ATP1A4: variants seen among roughly 807,000 people sequenced by gnomAD.
ATP1A4 encodes sodium/potassium-transporting ATPase subunit alpha-4.
Under a neutral mutation model 114.3 loss-of-function variants are expected in ATP1A4, and 90 were observed. The observed-to-expected ratio is 0.79, with a 90% CI of 0.66 to 0.94. ATP1A4 has a LOEUF of 0.94. Ranked by LOEUF, ATP1A4 falls within the 40% of genes least tolerant of loss-of-function variation. The probability of loss-of-function intolerance (pLI) is 0.00; values close to 1 mark genes in which losing one functional copy is unlikely to be tolerated. For missense variants in ATP1A4, 1,222 were observed against 1,313.6 expected, an observed-to-expected ratio of 0.93 and a Z score of 1.08; for synonymous variants, 511 against 494.1, an observed-to-expected ratio of 1.03 and a Z score of -0.45.
chr1:160,156,302 C>A (rs1421042190), intron 4 of ATP1A4, 144 bp downstream of exon 4: 4 of 602,778 alleles, frequency 6.6e-6, no homozygotes, highest in Non-Finnish European at 1.2e-5. Context: ...CTGTATCAGT[C>A]CTTAAAAGTA....
rs761721153 is a variant in ATP1A4 at position 160,171,289 on chromosome 1, C to T, written c.1530C>T (p.His510=). The change falls in exon 11 of 22, where the codon CAC becomes CAT. Residue 510 remains histidine (H), a synonymous_variant. Coordinates refer to ENST00000368081, the MANE Select transcript of ATP1A4 (RefSeq NM_144699.4). ...IHLREDSSQT[H]VLMMKGAPER... is the part of the protein sequence containing the mutation. ...TTCGGGAGGACAGCTCCCAGACCCA[C>T]GTACTGATGATGAAGGGTGCTCCGG... is the stretch of plus-strand genomic sequence containing the variant. The T allele has an allele frequency of 7.4e-6, 12 of 1,614,014 alleles. No homozygotes were observed. The highest frequency in any genetic ancestry group is 2.2e-5 in the East Asian group (1 of 44,882).
chr1:160,159,215 G>A, intron 5 of ATP1A4, 79 bp downstream of exon 5: 1 of 1,533,508 alleles, frequency 6.5e-7, no homozygotes, highest in Non-Finnish European at 8.8e-7. Flanking sequence ...GTTAGAGAAA[G>A]TATAAGCTTA....
Position 160,181,917 on chromosome 1 carries a change from T to C in ATP1A4, c.2868-13T>C, listed in dbSNP as rs768894998. On this transcript the variant is annotated splice_polypyrimidine_tract_variant and intron_variant, in intron 19 of 21. Coordinates refer to ENST00000368081, the MANE Select transcript of ATP1A4 (RefSeq NM_144699.4). ...TCTCCCTCCCCGCCACACCCATGAATGTTTCTTCCCAGAAACAAAGTCTTA... is the reference window on the plus strand; with the variant it reads ...TCTCCCTCCCCGCCACACCCATGAACGTTTCTTCCCAGAAACAAAGTCTTA... The C allele has an allele frequency of 7.4e-6, 12 of 1,614,016 alleles. No homozygotes were observed. Among genetic ancestry groups the C allele is most frequent in the Non-Finnish European group, 1.0e-5 (12 of 1,179,898 alleles).
chr1:160,157,080 C>T (rs142107159), intron 4 of ATP1A4, among the ~76,000 whole-genome samples: 162 of 128,818 alleles, frequency 1.3e-3, no homozygotes, highest in African/African-American at 4.0e-3. Context: ...CAGACAGAGA[C>T]GCTGTCTCAA....
intron 6 of ATP1A4, among the ~76,000 whole-genome samples, chr1:160,163,643 T>A (rs140249340): frequency 6.0e-4 from 92 of 152,250 alleles, no homozygotes; most frequent in African/African-American, 1.8e-3. Context: ...ACCCTCCACA[T>A]GGTCATACAC....
At chr1:160,153,078 C>T in intron 1 of ATP1A4, 87 bp from the exon 2 acceptor site, 2 of 1,098,898 alleles carry the variant, frequency 1.8e-6, no homozygotes, top group East Asian at 2.4e-5. Context: ...TCAGTTTGGA[C>T]TAACATTCTC....
Position 160,164,468 on chromosome 1 carries a change from C to T in ATP1A4, c.1047+44C>T, listed in dbSNP as rs779138048. On this transcript the variant is annotated intron_variant, in intron 7 of 21. Transcript: ENST00000368081. ...AAATGGCCTCAGGGCAGACAAACCA[C>T]CCCAGGGAAAAGGGATCACTAGCGT... 5 of 1,602,526 alleles carry T rather than the reference C, an allele frequency of 3.1e-6. No homozygotes were observed. The Admixed American group carries it at 6.7e-5, about 22-fold the overall frequency.
chr1:160,168,539 C>T (rs942993143), intron 10 of ATP1A4, among the ~76,000 whole-genome samples: 4 of 151,992 alleles, frequency 2.6e-5, no homozygotes, highest in Non-Finnish European at 4.4e-5. Flanking sequence ...TGTGCCACCA[C>T]GCCCGGCTAA....
chr1:160,165,227 TA>T (rs1282344558), intron 7 of ATP1A4, among the ~76,000 whole-genome samples: 1 of 152,210 alleles, frequency 6.6e-6, no homozygotes, highest in Non-Finnish European at 1.5e-5. Context: ...GTGTTTGGAC[TA>T]GCACAAAAAT....
chr1:160,186,842 G>A lies in ATP1A4; in HGVS notation c.*143G>A. 1 of 994,086 alleles carries A rather than the reference G, an allele frequency of 1.0e-6. No individual in the cohort carries two copies. The highest frequency in any genetic ancestry group is 1.5e-6 in the Non-Finnish European group (1 of 653,220). 61.6% of individuals were successfully genotyped at this position (994,086 alleles called of 1,614,324 possible). A position where few individuals can be genotyped will look rare whatever the true frequency, so the allele number is the denominator to read the frequency against. Reference sequence around the variant, plus strand: ...AAGATGGGCAATCCTGGGCTGGCTTGAGGGAATCATGGGCAGAGGATGAGG... The same window carrying A: ...AAGATGGGCAATCCTGGGCTGGCTTAAGGGAATCATGGGCAGAGGATGAGG... On this transcript the variant is annotated 3_prime_UTR_variant, in exon 22 of 22. Coordinates refer to ENST00000368081, the MANE Select transcript of ATP1A4 (RefSeq NM_144699.4).
At chr1:160,181,612 G>A in intron 18 of ATP1A4, 72 bp from the exon 19 acceptor site, 1 of 1,552,596 alleles carries the variant, frequency 6.4e-7, no homozygotes, top group Middle Eastern at 1.7e-4. Flanking sequence ...CTGGAAGGTG[G>A]GAGAGGAAAG....
At chr1:160,152,252 C>G in intron 1 of ATP1A4, 65 bp downstream of exon 1, 2 of 1,545,640 alleles carry the variant, frequency 1.3e-6, no homozygotes, top group Non-Finnish European at 1.7e-6. Flanking sequence ...CTATCTTTAA[C>G]ATCTTACCTT....
intron 18 of ATP1A4, among the ~76,000 whole-genome samples, chr1:160,178,668 C>T (rs1460556084): frequency 2.0e-5 from 3 of 147,222 alleles, no homozygotes; most frequent in Non-Finnish European, 3.0e-5. Flanking sequence ...AGCGAGACTC[C>T]GTCTCAAAGA....
intron 6 of ATP1A4, among the ~76,000 whole-genome samples, chr1:160,162,859 A>G (rs1185693008): frequency 6.6e-6 from 1 of 152,322 alleles, no homozygotes; most frequent in East Asian, 1.9e-4. Flanking sequence ...TAAGAACTAT[A>G]TAGGCAATAG....
At position 160,156,077 on chromosome 1, in the gene ATP1A4, C is replaced by T; in HGVS notation, c.444C>T (p.Val148=). 1 of 1,613,962 alleles carries T rather than the reference C, an allele frequency of 6.2e-7. No individual in the cohort carries two copies. Residue 148 remains valine (V), a synonymous_variant, in exon 4 of 22, where the codon GTC becomes GTT. Transcript: ENST00000368081. ...LYLSIVLSVV[V]IVTGCFSYYQ... ...TGAGCATCGTACTGTCCGTCGTGGT[C>T]ATCGTCACTGGCTGCTTCTCCTATT... is the stretch of plus-strand genomic sequence containing the variant.
At chr1:160,152,255 C>G (rs1652484548) in intron 1 of ATP1A4, 68 bp downstream of exon 1, 1 of 1,537,658 alleles carries the variant, frequency 6.5e-7, no homozygotes, top group Non-Finnish European at 8.8e-7. Context: ...TCTTTAACAT[C>G]TTACCTTGAG....
chr1:160,155,108 C>G lies in ATP1A4; in HGVS notation c.271C>G (p.Pro91Ala), dbSNP rs763336663. The G allele has an allele frequency of 1.9e-6, 3 of 1,608,494 alleles. No individual in the cohort carries two copies. The highest frequency in any genetic ancestry group is 2.6e-6 in the Non-Finnish European group (3 of 1,175,968). Residue 91 changes from proline to alanine, a missense_variant, in exon 3 of 22, where the codon CCC becomes GCC. Pro to Ala is a conservative substitution (Grantham distance 27). Transcript: ENST00000368081. ...TRGGPNTVTP[P>A]PTTPEWVKFC... ...AGGTGGACCCAATACTGTTACCCCA[C>G]CCCCCACCACTCCAGAATGGGTCAA...
rs115808164 is a variant in ATP1A4 at position 160,168,717 on chromosome 1, C to A, written c.1491+1305C>A. ...AATTTTTTTTAACTGAATTACTCAT[C>A]GTTTTACACTGAAAACTGAGCAAGT... On this transcript the variant is annotated intron_variant, in intron 10 of 21. Coordinates refer to ENST00000368081, the MANE Select transcript of ATP1A4 (RefSeq NM_144699.4). 5.8e-3 allele frequency among the ~76,000 whole-genome samples: 884 copies of A among 152,200 alleles called. 6 individuals are homozygous for A. The highest frequency in any genetic ancestry group is 0.02 in the African/African-American group (833 of 41,530).
In ATP1A4 at chr1:160,159,102, C is replaced by A; in HGVS notation, c.626C>A (p.Ala209Asp). The part of the protein sequence containing the change: ...VEIKGGDRVP[A>D]DLRLISAQGC... ...ATCAAGGGTGGAGACCGAGTCCCTG[C>A]TGACCTCCGGCTTATCTCTGCACAA... Residue 209 changes from alanine (A) to aspartate (D), a missense_variant, in exon 5 of 22, where the codon GCT (alanine) becomes GAT (aspartate). Transcript: ENST00000368081. 1 of 1,614,116 alleles carries A rather than the reference C, an allele frequency of 6.2e-7. No individual in the cohort carries two copies. The highest frequency in any genetic ancestry group is 8.5e-7 in the Non-Finnish European group (1 of 1,179,996).
Sources: gnomAD v4.1 joint callset for allele counts (sites outside exome capture counted in the v4.1 genomes callset) on GRCh38, gnomAD v4.1.1 for gene constraint, MANE v1.5 for transcripts, NCBI Gene and HGNC (gene_info 2026-07-23, HGNC 2026-07-21) for gene names.